The following IPO11 variants were observed in gnomAD, a reference collection of about 807,000 sequenced individuals.
IPO11 encodes importin-11.
In IPO11, 66 loss-of-function variants were observed where a neutral mutation model predicts 143.2. The observed-to-expected ratio is 0.46, with a 90% CI of 0.38 to 0.57. The LOEUF is 0.57. IPO11 is among the 20% of genes least tolerant of loss of function. The probability of loss-of-function intolerance (pLI) is 0.00; values close to 1 mark genes in which losing one functional copy is unlikely to be tolerated. For missense variants in IPO11, 1,026 were observed against 1,141.0 expected (o/e 0.90, Z 1.45); for synonymous variants, 385 against 377.8 (o/e 1.02, Z -0.22).
rs183228441 is a variant in IPO11, at chr5:62,615,555, T to A, written c.2764-11599T>A. Among the ~76,000 whole-genome samples, 5 of 152,322 alleles carry A rather than the reference T, an allele frequency of 3.3e-5. No homozygotes were observed. The South Asian group carries it at 6.2e-4, about 19-fold the overall frequency. ...CCAGGGATGTGCATGTCCTAATCCC[T>A]GGAACCTGTGAATGTGTTTCATGTA... On this transcript the variant is annotated intron_variant, in intron 29 of 29. Transcript: ENST00000325324.
chr5:62,524,082 C>T (rs1035375412), intron 20 of IPO11, among the ~76,000 whole-genome samples: 2 of 151,846 alleles, frequency 1.3e-5, no homozygotes, highest in African/African-American at 2.4e-5. Context: ...TTTTAATAAC[C>T]GATGAATTCA....
intron 1 of IPO11, among the ~76,000 whole-genome samples, chr5:62,434,488 C>T (rs546979064): frequency 1.7e-4 from 26 of 151,868 alleles, no homozygotes; most frequent in Middle Eastern, 3.4e-3. Context: ...TCTGTAGAGA[C>T]GGGATTTTGC....
At chr5:62,581,165 C>T in intron 27 of IPO11, 1 of 1,551,116 alleles carries the variant, frequency 6.4e-7, no homozygotes, top group Non-Finnish European at 8.7e-7. Context: ...TATCAGTCAG[C>T]AAGGTATAAT....
intron 24 of IPO11, among the ~76,000 whole-genome samples, chr5:62,539,390 T>C (rs1742848634): frequency 6.6e-6 from 1 of 152,228 alleles, no homozygotes; most frequent in South Asian, 2.1e-4. Flanking sequence ...GTTTTTGTTG[T>C]TGCAGGGACA....
intron 25 of IPO11, 37 bp from the exon 26 acceptor site, chr5:62,551,186 A>G: frequency 8.7e-7 from 1 of 1,153,598 alleles, no homozygotes; most frequent in Non-Finnish European, 1.3e-6. Context: ...CTTGTACCAT[A>G]ACACAATTTT....
intron 20 of IPO11, among the ~76,000 whole-genome samples, chr5:62,520,437 A>G (rs1419592050): frequency 6.6e-6 from 1 of 151,936 alleles, no homozygotes; most frequent in Non-Finnish European, 1.5e-5. Context: ...GGTTTGTTAC[A>G]TATGTATACG....
chr5:62,429,946 A>G (rs1277319543), intron 1 of IPO11, among the ~76,000 whole-genome samples: 1 of 151,960 alleles, frequency 6.6e-6, no homozygotes, highest in Non-Finnish European at 1.5e-5. Context: ...TTTAGTAGAG[A>G]TGGGTTTTCA....
chr5:62,609,818 G>A (rs188882635), intron 29 of IPO11, among the ~76,000 whole-genome samples: 1 of 152,356 alleles, frequency 6.6e-6, no homozygotes, highest in East Asian at 1.9e-4. Context: ...GTGTCCTAAT[G>A]TCCAGCAGGT....
intron 28 of IPO11, among the ~76,000 whole-genome samples, chr5:62,598,513 T>TC (rs1745352450): frequency 1.5e-4 from 1 of 6,754 alleles, no homozygotes; most frequent in African/African-American, 1.9e-3. Context: ...TTTCTTTCTT[T>TC]CTTTCTTTCT....
At chr5:62,496,703 A>T (rs1741170419) in intron 16 of IPO11, among the ~76,000 whole-genome samples, 1 of 152,234 alleles carries the variant, frequency 6.6e-6, no homozygotes, top group African/African-American at 2.4e-5. Context: ...ATGTATATAT[A>T]TGCAAACATG....
At chr5:62,496,409 A>G (rs1187852702) in intron 16 of IPO11, among the ~76,000 whole-genome samples, 2 of 152,088 alleles carry the variant, frequency 1.3e-5, no homozygotes, top group Non-Finnish European at 2.9e-5. Context: ...TTTGCCCTTT[A>G]TATCTTCTGG....
intron 6 of IPO11, among the ~76,000 whole-genome samples, chr5:62,467,973 G>C (rs1012581637): frequency 6.6e-6 from 1 of 151,874 alleles, no homozygotes; most frequent in Non-Finnish European, 1.5e-5. Context: ...GGACAGACAG[G>C]GTCTTGCTCT....
intron 20 of IPO11, among the ~76,000 whole-genome samples, chr5:62,524,246 A>C (rs1285220293): frequency 6.6e-6 from 1 of 152,120 alleles, no homozygotes; most frequent in East Asian, 1.9e-4. Context: ...ATTGATTAAG[A>C]CAGTGTGTTA....
chr5:62,623,639 C>G (rs1316543805), intron 29 of IPO11, among the ~76,000 whole-genome samples: 1 of 146,214 alleles, frequency 6.8e-6, no homozygotes, highest in Non-Finnish European at 1.5e-5. Context: ...TTTCTTTCTT[C>G]TTTTTCTTTT....
intron 13 of IPO11, 104 bp from the exon 14 acceptor site, chr5:62,489,198 C>G: frequency 1.7e-6 from 1 of 575,206 alleles, no homozygotes; most frequent in Non-Finnish European, 2.8e-6. Context: ...ATGTGTTATA[C>G]TTAATTGAAT....
In IPO11 at chr5:62,578,512, G is replaced by C. The variant is rs544507440; in HGVS notation, c.2583-13065G>C. 4.6e-4 allele frequency among the ~76,000 whole-genome samples: 70 copies of C among 152,074 alleles called. 1 individual carries two copies. The highest frequency in any genetic ancestry group is 1.7e-3 in the African/African-American group (69 of 41,534). The stretch of plus-strand genomic sequence containing the variant: ...CTATGTTGTTTGATAGCTAGAGTCT[G>C]TTGATTGATATTTGGGTTCTGAATA... On this transcript the variant is annotated intron_variant, in intron 27 of 29. Coordinates refer to ENST00000325324, the MANE Select transcript of IPO11 (RefSeq NM_016338.5).
chr5:62,486,202 G>A (rs1036735954), intron 12 of IPO11, among the ~76,000 whole-genome samples: 4 of 151,916 alleles, frequency 2.6e-5, no homozygotes, highest in African/African-American at 9.7e-5. Context: ...GGTTGGTCTC[G>A]ATCTCCTGAC....
intron 27 of IPO11, among the ~76,000 whole-genome samples, chr5:62,564,893 A>G (rs994818690): frequency 6.6e-6 from 1 of 152,212 alleles, no homozygotes; most frequent in African/African-American, 2.4e-5. Flanking sequence ...GCCATCAGTC[A>G]CTTGCTAATG....
intron 26 of IPO11, among the ~76,000 whole-genome samples, chr5:62,552,417 G>T (rs909774813): frequency 6.6e-6 from 1 of 150,666 alleles, no homozygotes; most frequent in Admixed American, 6.6e-5. Flanking sequence ...AATAAATAGG[G>T]TATATTTTTA....
Sources: allele counts gnomAD v4.1 joint callset (sites outside exome capture counted in the v4.1 genomes callset), GRCh38; gene constraint gnomAD v4.1.1; transcripts MANE v1.5; gene names NCBI Gene and HGNC (gene_info 2026-07-23, HGNC 2026-07-21).